The following PIBF1 variants were observed in gnomAD, a reference collection of about 807,000 sequenced individuals.
The protein encoded by PIBF1 is progesterone-induced-blocking factor 1.
In PIBF1, 90 loss-of-function variants were observed where a neutral mutation model predicts 112.5. The observed-to-expected ratio is 0.80, with a 90% CI of 0.67 to 0.95. The LOEUF (loss-of-function observed/expected upper bound fraction) is 0.95. Ranked by LOEUF, PIBF1 falls within the 40% of genes least tolerant of loss-of-function variation. The pLI is 0.00. For synonymous variants in PIBF1, 301 were observed against 288.6 expected (o/e 1.04, Z -0.44); for missense variants, 915 against 852.3 (o/e 1.07, Z -0.92).
At chr13:72,840,800 A>C (rs956765636) in intron 9 of PIBF1, among the ~76,000 whole-genome samples, 7 of 152,214 alleles carry the variant, frequency 4.6e-5, no homozygotes, top group African/African-American at 1.4e-4. Flanking sequence ...TGCTGGGATT[A>C]CAGGCGTGAG....
rs1429980703 is a variant in PIBF1, at chr13:72,799,566, A to G, written c.672+1540A>G. Among the ~76,000 whole-genome samples the G allele has an allele frequency of 3.9e-5, 6 of 152,344 alleles. No homozygotes were observed. In the South Asian group the frequency reaches 6.2e-4, roughly 16 times the overall value. On this transcript the variant is annotated intron_variant, in intron 5 of 17. Transcript: ENST00000326291. ...TTTGCACATTTAGAAAGATAGTTCA[A>G]TTAAAAAAAAAATTCAACTGTAGTC...
At chr13:72,976,623 A>G (rs755398607) in intron 16 of PIBF1, among the ~76,000 whole-genome samples, 11 of 152,236 alleles carry the variant, frequency 7.2e-5, no homozygotes, top group Admixed American at 5.9e-4. Flanking sequence ...AAACAAATCT[A>G]ATGTTATTAA....
chr13:72,827,276 T>C (rs2138157365), intron 7 of PIBF1, among the ~76,000 whole-genome samples, 158 bp downstream of exon 7: 1 of 134,470 alleles, frequency 7.4e-6, no homozygotes. Context: ...GAGACAGGAG[T>C]CTTTCCCTGT....
chr13:73,001,207 A>G (rs1019814664), intron 17 of PIBF1, among the ~76,000 whole-genome samples: 3 of 152,166 alleles, frequency 2.0e-5, no homozygotes, highest in Non-Finnish European at 4.4e-5. Context: ...CTAGCATGCT[A>G]TGATTCTCTT....
chr13:72,910,812 C>CA (rs1446184022), intron 12 of PIBF1, among the ~76,000 whole-genome samples: 20 of 151,990 alleles, frequency 1.3e-4, no homozygotes, highest in East Asian at 1.2e-3. Context: ...TAAGTAGCAA[C>CA]AAAAAACACA....
At chr13:72,839,900 C>T (rs548412888) in intron 9 of PIBF1, among the ~76,000 whole-genome samples, 1 of 152,116 alleles carries the variant, frequency 6.6e-6, no homozygotes, top group Non-Finnish European at 1.5e-5. Flanking sequence ...CTTCTGACCC[C>T]CTATCCACAT....
At chr13:72,955,367 G>A (rs938234078) in intron 14 of PIBF1, among the ~76,000 whole-genome samples, 7 of 146,904 alleles carry the variant, frequency 4.8e-5, no homozygotes, top group Non-Finnish European at 9.2e-5. Flanking sequence ...ATATAAATGT[G>A]TGTGTTTGTG....
At chr13:72,996,086 G>GC (rs1491428021) in intron 16 of PIBF1, among the ~76,000 whole-genome samples, 3 of 50,670 alleles carry the variant, frequency 5.9e-5, no homozygotes, top group Admixed American at 2.3e-4. Flanking sequence ...AAAAAAAAAA[G>GC]CGGGGGGGGG....
chr13:72,870,983 A>G (rs191173447), intron 10 of PIBF1, among the ~76,000 whole-genome samples: 30 of 152,260 alleles, frequency 2.0e-4, no homozygotes, highest in East Asian at 1.4e-3. Flanking sequence ...TGAGATTTAC[A>G]TTTTAGAGAA....
At chr13:72,953,225 C>T (rs2042350175) in intron 14 of PIBF1, among the ~76,000 whole-genome samples, 1 of 152,202 alleles carries the variant, frequency 6.6e-6, no homozygotes, top group African/African-American at 2.4e-5. Flanking sequence ...TACTGATGTT[C>T]CATGTAGACT....
At chr13:73,012,130 T>G (rs535074328) in intron 17 of PIBF1, among the ~76,000 whole-genome samples, 241 of 152,128 alleles carry the variant, frequency 1.6e-3, no homozygotes, top group Non-Finnish European at 2.8e-3. Context: ...GGCGAGCAGA[T>G]CACCTGAGAT....
chr13:72,979,838 C>A (rs1365255239), intron 16 of PIBF1, among the ~76,000 whole-genome samples: 1 of 152,114 alleles, frequency 6.6e-6, no homozygotes, highest in Non-Finnish European at 1.5e-5. Flanking sequence ...AGGAGAATGG[C>A]ATGAACCCGG....
intron 17 of PIBF1, among the ~76,000 whole-genome samples, chr13:72,999,834 CA>C (rs2043799595): frequency 6.6e-6 from 1 of 152,072 alleles, no homozygotes; most frequent in Non-Finnish European, 1.5e-5. Flanking sequence ...TTTGGGAGGC[CA>C]AAGTGGGAGG....
At chr13:72,967,441 G>A (rs2138920036) in intron 15 of PIBF1, among the ~76,000 whole-genome samples, 1 of 152,210 alleles carries the variant, frequency 6.6e-6, no homozygotes, top group Non-Finnish European at 1.5e-5. Flanking sequence ...TTATAAAGAT[G>A]AACAAATTCA....
At position 72,795,479 on chromosome 13, in the gene PIBF1, CTT is replaced by C; in HGVS notation, c.476_477del (p.Phe159Ter). 5 of 1,610,676 alleles carry C rather than the reference CTT, an allele frequency of 3.1e-6. No individual in the cohort carries two copies. The highest frequency in any genetic ancestry group is 4.2e-6 in the Non-Finnish European group (5 of 1,178,598). ...AGDVRRNLRD[F>X]ELTEEQYIKL... ...GAGATGTTCGTCGAAACCTGCGTGA[CTT>C]TGAGTTGACAGAAGAGCAATATATT... On this transcript the variant is annotated frameshift_variant, in exon 4 of 18. Transcript: ENST00000326291. LOFTEE classifies it high-confidence loss of function.
chr13:72,899,408 C>G (rs573912190), intron 11 of PIBF1, among the ~76,000 whole-genome samples: 77 of 152,238 alleles, frequency 5.1e-4, no homozygotes, highest in African/African-American at 1.6e-3. Context: ...AACAACATAT[C>G]AAAAAGATAA....
intron 16 of PIBF1, among the ~76,000 whole-genome samples, chr13:72,985,662 C>T (rs2043265771): frequency 6.6e-6 from 1 of 152,126 alleles, no homozygotes; most frequent in African/African-American, 2.4e-5. Flanking sequence ...TTGTTGTAAA[C>T]TTAAGTCACT....
intron 10 of PIBF1, among the ~76,000 whole-genome samples, chr13:72,892,814 A>ACACACACACACG (rs1427324643): frequency 6.8e-6 from 1 of 147,944 alleles, no homozygotes; most frequent in Non-Finnish European, 1.5e-5. Context: ...ACACACGCAC[A>ACACACACACACG]CGCACACACA....
intron 14 of PIBF1, among the ~76,000 whole-genome samples, chr13:72,942,486 T>C (rs1010038438): frequency 6.6e-6 from 1 of 152,164 alleles, no homozygotes; most frequent in African/African-American, 2.4e-5. Flanking sequence ...GTGATCTTTT[T>C]AGATACTTAA....
Sources: allele counts gnomAD v4.1 joint callset (sites outside exome capture counted in the v4.1 genomes callset), GRCh38; gene constraint gnomAD v4.1.1; transcripts MANE v1.5; gene names NCBI Gene and HGNC (gene_info 2026-07-23, HGNC 2026-07-21).